Variants in GALNT5 observed in about 807,000 individuals in gnomAD.
GALNT5 encodes the protein polypeptide N-acetylgalactosaminyltransferase 5.
Under a neutral mutation model 85.4 loss-of-function variants are expected in GALNT5, and 72 were observed. The ratio of observed to expected loss-of-function variants is 0.84; its 90% CI spans 0.70 to 1.03. GALNT5 has a LOEUF of 1.03. Ranked by LOEUF, GALNT5 falls within the 50% of genes least tolerant of loss-of-function variation. The probability of loss-of-function intolerance (pLI) is 0.00; values close to 1 mark genes in which losing one functional copy is unlikely to be tolerated. For missense variants in GALNT5, 1,137 were observed against 1,135.5 expected, an observed-to-expected ratio of 1.00 and a Z score of -0.02; for synonymous variants, 404 against 397.0, an observed-to-expected ratio of 1.02 and a Z score of -0.21.
chr2:157,292,436 A>T (rs549814996), intron 3 of GALNT5, among the ~76,000 whole-genome samples: 1 of 152,206 alleles, frequency 6.6e-6, no homozygotes, highest in Admixed American at 6.5e-5. Flanking sequence ...CTCTTCCCCA[A>T]AATAAAACAA....
chr2:157,278,345 T>A (rs913428923), intron 1 of GALNT5, among the ~76,000 whole-genome samples: 1 of 152,214 alleles, frequency 6.6e-6, no homozygotes, highest in African/African-American at 2.4e-5. Flanking sequence ...GTTCTCTGTA[T>A]TTCCTGAATT....
chr2:157,291,784 C>A (rs1216967895), intron 3 of GALNT5, among the ~76,000 whole-genome samples: 1 of 152,128 alleles, frequency 6.6e-6, no homozygotes, highest in Non-Finnish European at 1.5e-5. Flanking sequence ...CTCCCTATAT[C>A]CCCTCTCTCC....
intron 1 of GALNT5, among the ~76,000 whole-genome samples, chr2:157,266,960 T>C (rs1373592243): frequency 2.0e-5 from 3 of 152,228 alleles, no homozygotes; most frequent in Non-Finnish European, 2.9e-5. Flanking sequence ...AAGGTGATTC[T>C]TTAAAACTTG....
intron 1 of GALNT5, among the ~76,000 whole-genome samples, chr2:157,266,974 A>G (rs1682470251): frequency 6.6e-6 from 1 of 152,228 alleles, no homozygotes; most frequent in Admixed American, 6.5e-5. Context: ...AAACTTGGCC[A>G]TAACCACAGC....
Position 157,286,004 on chromosome 2 carries a change from C to T in GALNT5, c.1622-11C>T, listed in dbSNP as rs369027399. Reference sequence around the variant, plus strand: ...TCAAGTATTTCCTGGTTTATCTTTACTCTGATGTAGACTATCTAAAAGATA... The same window carrying T: ...TCAAGTATTTCCTGGTTTATCTTTATTCTGATGTAGACTATCTAAAAGATA... On this transcript the variant is annotated splice_polypyrimidine_tract_variant and intron_variant, in intron 2 of 9. Coordinates refer to ENST00000259056, the MANE Select transcript of GALNT5 (RefSeq NM_014568.3). 7.4e-5 allele frequency: 118 copies of T among 1,590,270 alleles called. No individual in the cohort carries two copies. The African/African-American group carries it at 1.4e-3, about 20-fold the overall frequency.
At chr2:157,278,776 G>C (rs879754583) in intron 1 of GALNT5, among the ~76,000 whole-genome samples, 1 of 152,108 alleles carries the variant, frequency 6.6e-6, no homozygotes, top group African/African-American at 2.4e-5. Context: ...CTTTAGCTCA[G>C]AGAAGTTTGT....
intron 9 of GALNT5, among the ~76,000 whole-genome samples, chr2:157,309,400 C>T (rs1168575571): frequency 6.6e-6 from 1 of 152,214 alleles, no homozygotes; most frequent in African/African-American, 2.4e-5. Flanking sequence ...TTTACCAGAA[C>T]ATTCCTGGTC....
chr2:157,294,946 G>C (rs1464730849), intron 3 of GALNT5, among the ~76,000 whole-genome samples: 1 of 125,644 alleles, frequency 8.0e-6, no homozygotes, highest in Admixed American at 8.9e-5. Flanking sequence ...TACTACTTCT[G>C]GCCTCCAAGT....
At chr2:157,297,594 A>G (rs1683242709) in intron 5 of GALNT5, among the ~76,000 whole-genome samples, 1 of 152,240 alleles carries the variant, frequency 6.6e-6, no homozygotes, top group Admixed American at 6.5e-5. Context: ...GTAGTGGTTG[A>G]GTTCAGACTA....
At chr2:157,288,322 T>C (rs935533618) in intron 3 of GALNT5, among the ~76,000 whole-genome samples, 4 of 152,244 alleles carry the variant, frequency 2.6e-5, no homozygotes, top group African/African-American at 9.6e-5. Context: ...GTTAAGATTC[T>C]TGATGAGAGA....
At chr2:157,264,524 G>C (rs1387392630) in intron 1 of GALNT5, among the ~76,000 whole-genome samples, 1 of 152,100 alleles carries the variant, frequency 6.6e-6, no homozygotes, top group Non-Finnish European at 1.5e-5. Context: ...AATTAAAATG[G>C]TCTTTATTCT....
In GALNT5 at chr2:157,257,737, G is replaced by A. The variant is rs1410749972; in HGVS notation, c.-346G>A. 2 of 231,906 alleles carry A rather than the reference G, an allele frequency of 8.6e-6. No homozygotes were observed. Among genetic ancestry groups the A allele is most frequent in the Non-Finnish European group, 1.7e-5 (2 of 118,336 alleles). 14.4% of individuals were successfully genotyped at this position (231,906 alleles called of 1,614,324 possible). ...CCCCCACCTTTTCTTGGGCTTGTAG[G>A]AAGGTGGACATGGGCTCCCGGAGAC... On this transcript the variant is annotated 5_prime_UTR_variant, in exon 1 of 10. Transcript: ENST00000259056.
chr2:157,286,226 T>C, intron 3 of GALNT5, 92 bp downstream of exon 3: 1 of 1,022,652 alleles, frequency 9.8e-7, no homozygotes, highest in Non-Finnish European at 1.5e-6. Flanking sequence ...ACCAGCACAA[T>C]GATGCCTATA....
chr2:157,280,760 C>T (rs1054344014), intron 1 of GALNT5, among the ~76,000 whole-genome samples: 6 of 152,118 alleles, frequency 3.9e-5, no homozygotes, highest in African/African-American at 4.8e-5. Flanking sequence ...TACTGGATCA[C>T]GGAGGCAGAT....
At position 157,312,757 on chromosome 2, in the gene GALNT5, C is replaced by T. The variant is rs910212804; in HGVS notation, c.*1409C>T. 17 of 152,132 alleles carry T rather than the reference C, an allele frequency of 1.1e-4. No individual in the cohort carries two copies. Among genetic ancestry groups the T allele is most frequent in the Admixed American group, 9.2e-4 (14 of 15,268 alleles). 9.4% of individuals were successfully genotyped at this position (152,132 alleles called of 1,614,324 possible). On this transcript the variant is annotated 3_prime_UTR_variant, in exon 10 of 10. Coordinates refer to ENST00000259056, the MANE Select transcript of GALNT5 (RefSeq NM_014568.3). ...CCAGAGACAGGGCTCATTCTAATGC[C>T]TCAGGTCACTGGCCCGAACAAATCT...
chr2:157,293,721 A>G (rs1683150527), intron 3 of GALNT5, among the ~76,000 whole-genome samples: 1 of 152,220 alleles, frequency 6.6e-6, no homozygotes, highest in African/African-American at 2.4e-5. Context: ...GCCATTGTTA[A>G]CCAAGTAATT....
intron 9 of GALNT5, among the ~76,000 whole-genome samples, chr2:157,310,395 C>G (rs1323886999): frequency 6.6e-6 from 1 of 152,110 alleles, no homozygotes; most frequent in Non-Finnish European, 1.5e-5. Flanking sequence ...AATGAGACTT[C>G]CTTACAAATC....
At chr2:157,268,704 G>A (rs1225709596) in intron 1 of GALNT5, among the ~76,000 whole-genome samples, 3 of 152,150 alleles carry the variant, frequency 2.0e-5, no homozygotes, top group Non-Finnish European at 4.4e-5. Flanking sequence ...TGTCAGCTAA[G>A]TGCAGGATAG....
At chr2:157,264,162 A>G (rs1273870462) in intron 1 of GALNT5, among the ~76,000 whole-genome samples, 1 of 142,716 alleles carries the variant, frequency 7.0e-6, no homozygotes, top group Non-Finnish European at 1.5e-5. Flanking sequence ...TGTCAGCAAC[A>G]ATCAACACAC....
Sources: allele counts gnomAD v4.1 joint callset (sites outside exome capture counted in the v4.1 genomes callset), GRCh38; gene constraint gnomAD v4.1.1; transcripts MANE v1.5; gene names NCBI Gene and HGNC (gene_info 2026-07-23, HGNC 2026-07-21).